The following KRTAP10-7 variants were observed in gnomAD, a reference collection of about 807,000 sequenced individuals.
The protein encoded by KRTAP10-7 is keratin-associated protein 10-7.
For missense variants in KRTAP10-7, 394 were observed against 474.3 expected (o/e 0.83, Z 1.57); for synonymous variants, 162 against 199.6 (o/e 0.81, Z 1.59).
Position 44,601,693 on chromosome 21 carries a change from G to T in KRTAP10-7, c.1072G>T (p.Ala358Ser). ...TTGCCGCCCCGCATGCTCCCGCCCG[G>T]CCTGCTGTGGCCCCACCTCAACCCA... ...LLCRPACSRP[A>S]CCGPTSTQKS... Residue 358 changes from alanine (A) to serine (S), a missense_variant, in exon 1 of 1, where the codon GCC (alanine) becomes TCC (serine). Physicochemically the swap from Ala to Ser is moderately conservative, Grantham distance 99. Coordinates refer to ENST00000609664, the MANE Select transcript of KRTAP10-7 (RefSeq NM_198689.3). The T allele has an allele frequency of 6.2e-7, 1 of 1,612,152 alleles. No individual in the cohort carries two copies. Among genetic ancestry groups the T allele is most frequent in the Non-Finnish European group, 8.5e-7 (1 of 1,178,866 alleles).
rs782483881 is a variant in KRTAP10-7, at chr21:44,601,209, C to T, written c.588C>T (p.Cys196=). The change falls in exon 1 of 1, where the codon TGC becomes TGT. Residue 196 remains cysteine (C), a synonymous_variant. Transcript: ENST00000609664. ...AGGCGGTCTGTGAGCCCAGCCCCTG[C>T]CAATCAGGCTGCATCAGCTCCTGCA... ...CCQAVCEPSP[C]QSGCISSCTP... The T allele has an allele frequency of 1.9e-6, 3 of 1,602,748 alleles. No individual in the cohort carries two copies. The highest frequency in any genetic ancestry group is 1.7e-5 in the Admixed American group (1 of 57,912).
At position 44,600,657 on chromosome 21, in the gene KRTAP10-7, C is replaced by T. The variant is rs1378054701; in HGVS notation, c.36C>T (p.Asp12=). The T allele has an allele frequency of 6.2e-7, 1 of 1,613,724 alleles. No individual in the cohort carries two copies. Among genetic ancestry groups the T allele is most frequent in the African/African-American group, 1.3e-5 (1 of 74,844 alleles). Residue 12 remains aspartate (D), a synonymous_variant, in exon 1 of 1, where the codon GAC becomes GAT. Coordinates refer to ENST00000609664, the MANE Select transcript of KRTAP10-7 (RefSeq NM_198689.3). ...AASTMSVCSS[D]LSYGSRVCLP... is the part of the protein sequence containing the mutation. ...CCACTATGTCTGTCTGCTCCAGCGACCTGAGCTACGGCAGCCGCGTCTGCC... is the reference window on the plus strand; with the variant it reads ...CCACTATGTCTGTCTGCTCCAGCGATCTGAGCTACGGCAGCCGCGTCTGCC...
Position 44,601,611 on chromosome 21 carries a change from C to T in KRTAP10-7, c.990C>T (p.Ala330=), listed in dbSNP as rs373482579. 1.3e-5 allele frequency: 21 copies of T among 1,613,476 alleles called. 1 individual carries two copies. In the African/African-American group the frequency reaches 2.0e-4, roughly 15 times the overall value. ...GCGTGCCCGTCCCCTCCTGCTGCGC[C>T]CCCACCTCCTCCTGCCAGGCCAGCT... is the stretch of plus-strand genomic sequence containing the variant. The part of the protein sequence containing the change: ...ACCVPVPSCC[A]PTSSCQASCC... Residue 330 remains alanine (A), a synonymous_variant, in exon 1 of 1, where the codon GCC becomes GCT. Transcript: ENST00000609664.
In KRTAP10-7 at chr21:44,601,448, G is replaced by A. The variant is rs782722530; in HGVS notation, c.827G>A (p.Cys276Tyr). ...CVPVCCKPVC[C>Y]VPVCSGASTS... is the part of the protein sequence containing the mutation. Reference sequence around the variant, plus strand: ...CCCGTCTGCTGTAAGCCTGTGTGCTGTGTGCCCGTCTGCTCTGGGGCTTCC... The same window carrying A: ...CCCGTCTGCTGTAAGCCTGTGTGCTATGTGCCCGTCTGCTCTGGGGCTTCC... The change falls in exon 1 of 1, where the codon TGT becomes TAT. Residue 276 changes from cysteine (C) to tyrosine (Y), a missense_variant. Physicochemically the swap from Cys to Tyr is radical, Grantham distance 194. Transcript: ENST00000609664. 4 of 1,611,366 alleles carry A rather than the reference G, an allele frequency of 2.5e-6. No homozygotes were observed. The highest frequency in any genetic ancestry group is 3.4e-6 in the Non-Finnish European group (4 of 1,178,962).
Position 44,600,881 on chromosome 21 carries a change from C to A in KRTAP10-7, c.260C>A (p.Pro87His). ...TCAGGCTGCACCAGCTCCTGCACGC[C>A]CTCGTGCTGCCAGCAGTCTAGCTGC... Reference protein sequence around the residue: ...CQSGCTSSCTPSCCQQSSCQL... With the variant: ...CQSGCTSSCTHSCCQQSSCQL... The change falls in exon 1 of 1, where the codon CCC (proline) becomes CAC (histidine). Residue 87 changes from proline to histidine, a missense_variant. Pro to His is a moderately conservative substitution (Grantham distance 77). Transcript: ENST00000609664. 1.1e-5 allele frequency: 18 copies of A among 1,611,484 alleles called. No individual in the cohort carries two copies. Among genetic ancestry groups the A allele is most frequent in the Non-Finnish European group, 1.5e-5 (18 of 1,179,884 alleles).
In KRTAP10-7 at chr21:44,601,900, G is replaced by T; in HGVS notation, c.*166G>T. On this transcript the variant is annotated 3_prime_UTR_variant, in exon 1 of 1. Coordinates refer to ENST00000609664, the MANE Select transcript of KRTAP10-7 (RefSeq NM_198689.3). ...TTCTCCTCCTAGAAGCAGCTCAGCT[G>T]TTTCTCCAAGTCTTGACTTTCCCCC... The T allele has an allele frequency of 1.0e-6, 1 of 995,050 alleles. No homozygotes were observed. Among genetic ancestry groups the T allele is most frequent in the South Asian group, 1.8e-5 (1 of 57,132 alleles). The allele number at this position is 995,050 out of a possible 1,614,324, so 61.6% of individuals were successfully genotyped here. A position where few individuals can be genotyped will look rare whatever the true frequency, so the allele number is the denominator to read the frequency against.
chr21:44,600,613 A>G lies in KRTAP10-7; in HGVS notation c.-9A>G, dbSNP rs782148743. 16 of 1,609,822 alleles carry G rather than the reference A, an allele frequency of 9.9e-6. No individual in the cohort carries two copies. Among genetic ancestry groups the G allele is most frequent in the East Asian group, 2.2e-5 (1 of 44,852 alleles). Reference sequence around the variant, plus strand: ...ACTCACTCCCATCTCCTCCAGTTCAATCCCCAGCATGGCTGCGTCCACTAT... The same window carrying G: ...ACTCACTCCCATCTCCTCCAGTTCAGTCCCCAGCATGGCTGCGTCCACTAT... On this transcript the variant is annotated 5_prime_UTR_variant, in exon 1 of 1. Transcript: ENST00000609664.
Position 44,601,779 on chromosome 21 carries a change from C to T in KRTAP10-7, c.*45C>T, listed in dbSNP as rs782355252. On this transcript the variant is annotated 3_prime_UTR_variant, in exon 1 of 1. Coordinates refer to ENST00000609664, the MANE Select transcript of KRTAP10-7 (RefSeq NM_198689.3). ...CCAAAGCCTGAGTGCTCACTGCCAC[C>T]TGCACCCCTGGATTCTTTACCCTTG... The T allele has an allele frequency of 6.3e-7, 1 of 1,575,542 alleles. No homozygotes were observed. The highest frequency in any genetic ancestry group is 1.7e-5 in the Admixed American group (1 of 57,700).
chr21:44,601,112 T>C lies in KRTAP10-7; in HGVS notation c.491T>C (p.Val164Ala). The change falls in exon 1 of 1, where the codon GTC (valine) becomes GCC (alanine). Residue 164 changes from valine to alanine, a missense_variant. Coordinates refer to ENST00000609664, the MANE Select transcript of KRTAP10-7 (RefSeq NM_198689.3). ...TGTGTGCCCATCTGCTGCAAGCCTG[T>C]CTGCTCTGGGATTTCCTCTTCGTGC... ...ACCVPICCKP[V>A]CSGISSSCCQ... is the part of the protein sequence containing the mutation. 6.2e-7 allele frequency: 1 copy of C among 1,607,858 alleles called. No individual in the cohort carries two copies. The highest frequency in any genetic ancestry group is 8.5e-7 in the Non-Finnish European group (1 of 1,179,156).
chr21:44,600,727 G>A lies in KRTAP10-7; in HGVS notation c.106G>A (p.Asp36Asn), dbSNP rs782766311. 1.4e-5 allele frequency: 23 copies of A among 1,612,354 alleles called. No homozygotes were observed. The highest frequency in any genetic ancestry group is 1.3e-4 in the East Asian group (6 of 44,836). The change falls in exon 1 of 1, where the codon GAC becomes AAC. Residue 36 changes from aspartate to asparagine, a missense_variant. By Grantham distance (23) the Asp-to-Asn change is conservative. Coordinates refer to ENST00000609664, the MANE Select transcript of KRTAP10-7 (RefSeq NM_198689.3). ...TTGCTCCGACTCCTGGCAGGTGGAC[G>A]ACTGCCCAGAGAGCTGCTGCGAGCC... Reference protein sequence around the residue: ...DSCSDSWQVDDCPESCCEPPC... With the variant: ...DSCSDSWQVDNCPESCCEPPC...
In KRTAP10-7 at chr21:44,601,950, C is replaced by A; in HGVS notation, c.*216C>A. The A allele has an allele frequency of 1.4e-6, 1 of 721,330 alleles. No individual in the cohort carries two copies. The highest frequency in any genetic ancestry group is 2.3e-6 in the Non-Finnish European group (1 of 437,132). The allele number at this position is 721,330 out of a possible 1,614,324, so 44.7% of individuals were successfully genotyped here. On this transcript the variant is annotated 3_prime_UTR_variant, in exon 1 of 1. Coordinates refer to ENST00000609664, the MANE Select transcript of KRTAP10-7 (RefSeq NM_198689.3). ...CAATTACCCAGCCCTGCTTCCCCAG[C>A]AACAGGTGGGCAGTGACCCCAGCAA...
Position 44,601,261 on chromosome 21 carries a change from T to C in KRTAP10-7, c.640T>C (p.Cys214Arg), listed in dbSNP as rs1234762745. Residue 214 changes from cysteine (C) to arginine (R), a missense_variant, in exon 1 of 1, where the codon TGC becomes CGC. Cys to Arg is a radical substitution (Grantham distance 180). Coordinates refer to ENST00000609664, the MANE Select transcript of KRTAP10-7 (RefSeq NM_198689.3). ...GCCCTCGTGCTGCCAGCAGTCTAGC[T>C]GCAAGCCGGCTTGCTGCACCTCCTC... is the stretch of plus-strand genomic sequence containing the variant. ...CTPSCCQQSS[C>R]KPACCTSSPC... is the part of the protein sequence containing the mutation. The C allele has an allele frequency of 1.9e-6, 3 of 1,608,816 alleles. No individual in the cohort carries two copies. Among genetic ancestry groups the C allele is most frequent in the Admixed American group, 1.7e-5 (1 of 59,616 alleles).
Position 44,601,720 on chromosome 21 carries a change from A to C in KRTAP10-7, c.1099A>C (p.Lys367Gln). The change falls in exon 1 of 1, where the codon AAG becomes CAG. Residue 367 changes from lysine (K) to glutamine (Q), a missense_variant. Transcript: ENST00000609664. ...PACCGPTSTQ[K>Q]SSC ...CTGCTGTGGCCCCACCTCAACCCAGAAGTCCAGCTGCTGAGTGATCTCCTT... is the reference window on the plus strand; with the variant it reads ...CTGCTGTGGCCCCACCTCAACCCAGCAGTCCAGCTGCTGAGTGATCTCCTT... The C allele has an allele frequency of 6.2e-7, 1 of 1,610,856 alleles. No individual in the cohort carries two copies. Among genetic ancestry groups the C allele is most frequent in the Non-Finnish European group, 8.5e-7 (1 of 1,178,078 alleles).
chr21:44,601,901 T>C lies in KRTAP10-7; in HGVS notation c.*167T>C. On this transcript the variant is annotated 3_prime_UTR_variant, in exon 1 of 1. Transcript: ENST00000609664. ...TCTCCTCCTAGAAGCAGCTCAGCTG[T>C]TTCTCCAAGTCTTGACTTTCCCCCA... 2.0e-6 allele frequency: 2 copies of C among 991,370 alleles called. No homozygotes were observed. Among genetic ancestry groups the C allele is most frequent in the South Asian group, 1.8e-5 (1 of 56,814 alleles). 61.4% of individuals were successfully genotyped at this position (991,370 alleles called of 1,614,324 possible). A position where few individuals can be genotyped will look rare whatever the true frequency, so the allele number is the denominator to read the frequency against.
In KRTAP10-7 at chr21:44,600,709, G is replaced by C. The variant is rs782441627; in HGVS notation, c.88G>C (p.Asp30His). The C allele has an allele frequency of 1.2e-6, 2 of 1,613,152 alleles. No homozygotes were observed. The highest frequency in any genetic ancestry group is 1.7e-5 in the Admixed American group (1 of 59,974). Residue 30 changes from aspartate to histidine, a missense_variant, in exon 1 of 1, where the codon GAC (aspartate) becomes CAC (histidine). Coordinates refer to ENST00000609664, the MANE Select transcript of KRTAP10-7 (RefSeq NM_198689.3). ...TCCTGGTTCCTGTGACTCTTGCTCC[G>C]ACTCCTGGCAGGTGGACGACTGCCC... is the stretch of plus-strand genomic sequence containing the variant. ...CLPGSCDSCSDSWQVDDCPES... is the reference protein window; with the variant it reads ...CLPGSCDSCSHSWQVDDCPES...
At position 44,600,729 on chromosome 21, in the gene KRTAP10-7, C is replaced by T; in HGVS notation, c.108C>T (p.Asp36=). 6.2e-7 allele frequency: 1 copy of T among 1,612,276 alleles called. No individual in the cohort carries two copies. The highest frequency in any genetic ancestry group is 8.5e-7 in the Non-Finnish European group (1 of 1,179,888). ...DSCSDSWQVD[D]CPESCCEPPC... is the part of the protein sequence containing the mutation. ...GCTCCGACTCCTGGCAGGTGGACGA[C>T]TGCCCAGAGAGCTGCTGCGAGCCCC... is the stretch of plus-strand genomic sequence containing the variant. The change falls in exon 1 of 1, where the codon GAC becomes GAT. Residue 36 remains aspartate (D), a synonymous_variant. Coordinates refer to ENST00000609664, the MANE Select transcript of KRTAP10-7 (RefSeq NM_198689.3).
Position 44,601,873 on chromosome 21 carries a change from G to T in KRTAP10-7, c.*139G>T, listed in dbSNP as rs899442576. 2.8e-5 allele frequency: 33 copies of T among 1,194,792 alleles called. 1 individual carries two copies. In the South Asian group the frequency reaches 4.9e-4, roughly 18 times the overall value. 74.0% of individuals were successfully genotyped at this position (1,194,792 alleles called of 1,614,324 possible). A position where few individuals can be genotyped will look rare whatever the true frequency, so the allele number is the denominator to read the frequency against. The stretch of plus-strand genomic sequence containing the variant: ...GTGGTCAGCTGGCCATCCAGTGTGC[G>T]CTTCTCCTCCTAGAAGCAGCTCAGC... On this transcript the variant is annotated 3_prime_UTR_variant, in exon 1 of 1. Coordinates refer to ENST00000609664, the MANE Select transcript of KRTAP10-7 (RefSeq NM_198689.3).
rs782680067 is a variant in KRTAP10-7 at position 44,601,154 on chromosome 21, G to T, written c.533G>T (p.Cys178Phe). ...ISSSCCQQSS[C>F]VSCVSSPCCQ... is the part of the protein sequence containing the mutation. ...TCTTCGTGCTGCCAGCAGTCTAGCT[G>T]TGTGAGCTGTGTGTCCAGTCCCTGC... is the stretch of plus-strand genomic sequence containing the variant. The change falls in exon 1 of 1, where the codon TGT (cysteine) becomes TTT (phenylalanine). Residue 178 changes from cysteine to phenylalanine, a missense_variant. Coordinates refer to ENST00000609664, the MANE Select transcript of KRTAP10-7 (RefSeq NM_198689.3). The T allele has an allele frequency of 2.1e-5, 33 of 1,602,616 alleles. No homozygotes were observed. The highest frequency in any genetic ancestry group is 2.5e-5 in the Non-Finnish European group (29 of 1,177,854).
Position 44,601,219 on chromosome 21 carries a change from T to A in KRTAP10-7, c.598T>A (p.Cys200Ser), listed in dbSNP as rs1555928660. The change falls in exon 1 of 1, where the codon TGC (cysteine) becomes AGC (serine). Residue 200 changes from cysteine (C) to serine (S), a missense_variant. Physicochemically the swap from Cys to Ser is moderately radical, Grantham distance 112. Coordinates refer to ENST00000609664, the MANE Select transcript of KRTAP10-7 (RefSeq NM_198689.3). ...TGAGCCCAGCCCCTGCCAATCAGGC[T>A]GCATCAGCTCCTGCACGCCCTCGTG... ...VCEPSPCQSG[C>S]ISSCTPSCCQ... is the part of the protein sequence containing the mutation. The A allele has an allele frequency of 1.2e-6, 2 of 1,604,480 alleles. No individual in the cohort carries two copies. The highest frequency in any genetic ancestry group is 4.5e-5 in the East Asian group (2 of 43,966).
Sources: gnomAD v4.1 joint callset for allele counts on GRCh38, gnomAD v4.1.1 for gene constraint, MANE v1.5 for transcripts, NCBI Gene and HGNC (gene_info 2026-07-23, HGNC 2026-07-21) for gene names.